PGAM1: variants seen among roughly 807,000 people sequenced by gnomAD.
The protein encoded by PGAM1 is phosphoglycerate mutase 1, also known as BPG-dependent PGAM 1.
A neutral mutation model predicts 23.5 loss-of-function variants in PGAM1; 21 were observed. The observed-to-expected ratio is 0.89, with a 90% CI of 0.63 to 1.29. The LOEUF (loss-of-function observed/expected upper bound fraction) is 1.29. PGAM1 is among the 50% of genes most tolerant of loss of function. The pLI, the probability that PGAM1 is intolerant of heterozygous loss-of-function variation, is 0.00. For missense variants in PGAM1, 232 were observed against 336.3 expected, an observed-to-expected ratio of 0.69 and a Z score of 2.42; for synonymous variants, 109 against 128.6, an observed-to-expected ratio of 0.85 and a Z score of 1.03.
chr10:97,429,969 C>G (rs1845450149), intron 1 of PGAM1, among the ~76,000 whole-genome samples: 1 of 151,414 alleles, frequency 6.6e-6, no homozygotes, highest in Admixed American at 6.6e-5. Context: ...TTGCTTGAAC[C>G]CGGGAGGCGG....
At chr10:97,432,084 T>C (rs1206346131) in intron 3 of PGAM1, among the ~76,000 whole-genome samples, 3 of 152,196 alleles carry the variant, frequency 2.0e-5, no homozygotes, top group African/African-American at 7.2e-5. Context: ...TGTGGGCTTC[T>C]AGATCCCACT....
At chr10:97,427,205 C>T (rs1845420384) in intron 1 of PGAM1, 1 of 905,052 alleles carries the variant, frequency 1.1e-6, no homozygotes, top group Non-Finnish European at 1.3e-6. Context: ...TCTCAAGAGG[C>T]GGCTACGGAT....
chr10:97,429,278 G>A (rs1335402111), intron 1 of PGAM1, among the ~76,000 whole-genome samples: 1 of 151,724 alleles, frequency 6.6e-6, no homozygotes, highest in Non-Finnish European at 1.5e-5. Flanking sequence ...TAATTTTTTT[G>A]TATTTTTAGT....
At chr10:97,432,145 T>C (rs560322965) in intron 3 of PGAM1, among the ~76,000 whole-genome samples, 1 of 152,312 alleles carries the variant, frequency 6.6e-6, no homozygotes, top group African/African-American at 2.4e-5. Flanking sequence ...TGGTGGTCTA[T>C]CTTGTATACC....
intron 1 of PGAM1, chr10:97,427,232 G>C: frequency 1.0e-6 from 1 of 982,268 alleles, no homozygotes. Context: ...GGATCGACAC[G>C]CCACACAGCC....
At chr10:97,430,303 A>G in intron 1 of PGAM1, 76 bp from the exon 2 acceptor site, 2 of 1,546,496 alleles carry the variant, frequency 1.3e-6, no homozygotes, top group South Asian at 1.1e-5. Flanking sequence ...CTACTTGTAC[A>G]GGAGATTGAT....
chr10:97,427,964 G>A (rs1319226993), intron 1 of PGAM1: 7 of 1,278,444 alleles, frequency 5.5e-6, no homozygotes, highest in Non-Finnish European at 7.1e-6. Context: ...GGTGGGCAGG[G>A]GAGTGATTGT....
intron 1 of PGAM1, chr10:97,427,500 A>C (rs1331806455): frequency 1.9e-6 from 2 of 1,026,316 alleles, no homozygotes; most frequent in African/African-American, 3.4e-5. Flanking sequence ...ATTTGGAAAG[A>C]TGACTTGTCC....
Position 97,426,394 on chromosome 10 carries a change from C to T in PGAM1, c.87C>T (p.Asp29=). 4.4e-6 allele frequency: 7 copies of T among 1,606,422 alleles called. No individual in the cohort carries two copies. Among genetic ancestry groups the T allele is most frequent in the Non-Finnish European group, 5.9e-6 (7 of 1,177,452 alleles). ...GCTTCAGCGGCTGGTACGACGCCGA[C>T]CTGAGCCCGGCGGGCCACGAGGAGG... ...ENRFSGWYDA[D]LSPAGHEEAK... The change falls in exon 1 of 4, where the codon GAC becomes GAT. Residue 29 remains aspartate, a synonymous_variant. Transcript: ENST00000334828.
intron 3 of PGAM1, among the ~76,000 whole-genome samples, chr10:97,431,360 A>C (rs1845469764): frequency 6.6e-6 from 1 of 152,210 alleles, no homozygotes; most frequent in Non-Finnish European, 1.5e-5. Flanking sequence ...ATACATGCAG[A>C]ACCTCAGGTC....
intron 1 of PGAM1, among the ~76,000 whole-genome samples, chr10:97,429,871 C>A (rs1845448917): frequency 1.3e-5 from 2 of 151,872 alleles, no homozygotes; most frequent in African/African-American, 4.8e-5. Context: ...CATGGTGAAA[C>A]CTTGTCTCTA....
intron 1 of PGAM1, chr10:97,427,805 C>CA (rs1365870818): frequency 1.4e-5 from 18 of 1,289,368 alleles, no homozygotes; most frequent in Non-Finnish European, 1.8e-5. Context: ...AACCTCTGGA[C>CA]AAAGAAGCAG....
At chr10:97,431,540 G>A (rs1845471915) in intron 3 of PGAM1, among the ~76,000 whole-genome samples, 1 of 152,152 alleles carries the variant, frequency 6.6e-6, no homozygotes, top group South Asian at 2.1e-4. Context: ...AACATTTTGG[G>A]AGGCCAAGGC....
At chr10:97,429,205 G>T (rs1202487414) in intron 1 of PGAM1, among the ~76,000 whole-genome samples, 1 of 143,074 alleles carries the variant, frequency 7.0e-6, no homozygotes, top group Non-Finnish European at 1.5e-5. Flanking sequence ...CCGGATTCAC[G>T]CCATTCTCCT....
intron 1 of PGAM1, 34 bp from the exon 2 acceptor site, chr10:97,430,345 G>C: frequency 6.2e-7 from 1 of 1,611,480 alleles, no homozygotes; most frequent in Non-Finnish European, 8.5e-7. Flanking sequence ...GAGTAGACCT[G>C]GTTAGCTTAT....
At chr10:97,429,274 T>G (rs1382412606) in intron 1 of PGAM1, among the ~76,000 whole-genome samples, 1 of 151,954 alleles carries the variant, frequency 6.6e-6, no homozygotes, top group African/African-American at 2.4e-5. Flanking sequence ...CGGCTAATTT[T>G]TTTGTATTTT....
Position 97,432,509 on chromosome 10 carries a change from C to A in PGAM1, c.750C>A (p.Gly250=). 3 of 1,604,316 alleles carry A rather than the reference C, an allele frequency of 1.9e-6. No individual in the cohort carries two copies. The change falls in exon 4 of 4, where the codon GGC becomes GGA. Residue 250 remains glycine, a synonymous_variant. Coordinates refer to ENST00000334828, the MANE Select transcript of PGAM1 (RefSeq NM_002629.4). The part of the protein sequence containing the change: ...RKAMEAVAAQ[G]KAKK ...CCATGGAAGCTGTGGCTGCCCAGGG[C>A]AAGGCCAAGAAGTGAAGGCCGGCGG...
intron 1 of PGAM1, among the ~76,000 whole-genome samples, chr10:97,429,070 ACAAAAT>A (rs1845440284): frequency 6.6e-6 from 1 of 151,330 alleles, no homozygotes; most frequent in South Asian, 2.1e-4. Flanking sequence ...CTTTAATGAA[ACAAAAT>A]CAATAAGACT....
At chr10:97,427,592 T>G in intron 1 of PGAM1, 1 of 1,173,186 alleles carries the variant, frequency 8.5e-7, no homozygotes, top group Non-Finnish European at 1.1e-6. Flanking sequence ...ACTGGTAGGC[T>G]TTTGGCTAAG....
Sources: allele counts gnomAD v4.1 joint callset (sites outside exome capture counted in the v4.1 genomes callset), GRCh38; gene constraint gnomAD v4.1.1; transcripts MANE v1.5; gene names NCBI Gene and HGNC (gene_info 2026-07-23, HGNC 2026-07-21).